PTPN14: variants seen among roughly 807,000 people sequenced by gnomAD.
PTPN14 encodes the protein protein tyrosine phosphatase non-receptor type 14.
PTPN14 carries 53 observed loss-of-function variants against 126.8 expected under a neutral mutation model. The ratio of observed to expected loss-of-function variants is 0.42; its 90% CI spans 0.34 to 0.53. The LOEUF (loss-of-function observed/expected upper bound fraction) is 0.53. Ranked by LOEUF, PTPN14 falls within the 20% of genes least tolerant of loss-of-function variation. The probability of loss-of-function intolerance (pLI) is 0.08; values close to 1 mark genes in which losing one functional copy is unlikely to be tolerated. For missense variants in PTPN14, 1,257 were observed against 1,552.9 expected (o/e 0.81, Z 3.20); for synonymous variants, 630 against 599.3 (o/e 1.05, Z -0.75).
intron 1 of PTPN14, chr1:214,529,072 G>A (rs899376739): frequency 6.6e-6 from 1 of 152,142 alleles, no homozygotes; most frequent in Non-Finnish European, 1.5e-5. Flanking sequence ...GGAGGCCAAG[G>A]TGGGAAAATT....
intron 1 of PTPN14, among the ~76,000 whole-genome samples, chr1:214,511,553 T>G (rs1211023500): frequency 1.3e-5 from 2 of 151,612 alleles, no homozygotes; most frequent in African/African-American, 4.8e-5. Flanking sequence ...AAATTGGAAC[T>G]CTTGTGCACT....
intron 1 of PTPN14, among the ~76,000 whole-genome samples, chr1:214,537,620 G>A (rs1655740024): frequency 6.6e-6 from 1 of 152,152 alleles, no homozygotes; most frequent in African/African-American, 2.4e-5. Flanking sequence ...CTAACTAAAG[G>A]CCAATTAATA....
chr1:214,384,272 G>C lies in PTPN14; in HGVS notation c.1583C>G (p.Pro528Arg). 1 of 1,614,158 alleles carries C rather than the reference G, an allele frequency of 6.2e-7. No homozygotes were observed. Among genetic ancestry groups the C allele is most frequent in the African/African-American group, 1.3e-5 (1 of 75,044 alleles). Residue 528 changes from proline (P) to arginine (R), a missense_variant, in exon 13 of 19, where the codon CCG becomes CGG. Physicochemically the swap from Pro to Arg is moderately radical, Grantham distance 103 (BLOSUM62 -2). Transcript: ENST00000366956. The surrounding 1 kb of genome is among the most constrained non-coding windows in gnomAD (Gnocchi z 5.3). ...NPKNNVVPSK[P>R]GASAISHTVS... is the part of the protein sequence containing the mutation. The stretch of plus-strand genomic sequence containing the variant: ...CGTGTGCGAGATGGCGCTTGCCCCC[G>C]GCTTGCTTGGTACCACATTATTCTT...
intron 3 of PTPN14, among the ~76,000 whole-genome samples, chr1:214,447,208 C>G (rs1184014416): frequency 1.3e-5 from 2 of 152,010 alleles, no homozygotes; most frequent in East Asian, 1.9e-4. Flanking sequence ...GAATCCTGCC[C>G]CACCACCACT....
intron 2 of PTPN14, 64 bp downstream of exon 2, chr1:214,464,566 G>T (rs1199809973): frequency 2.5e-5 from 40 of 1,570,212 alleles, no homozygotes; most frequent in Non-Finnish European, 3.3e-5. Context: ...CCTTCGGTGA[G>T]TTCTCCTTCA....
At chr1:214,432,184 C>T (rs534023572) in intron 3 of PTPN14, among the ~76,000 whole-genome samples, 55 of 129,592 alleles carry the variant, frequency 4.2e-4, no homozygotes, top group African/African-American at 1.4e-3. Flanking sequence ...GAACAAGACC[C>T]TGTCTCAAGA....
intron 3 of PTPN14, among the ~76,000 whole-genome samples, chr1:214,417,710 G>GC (rs1659456593): frequency 2.0e-5 from 3 of 152,148 alleles, no homozygotes; most frequent in Admixed American, 1.3e-4. Context: ...CTCAGAGTGA[G>GC]CAGGTCCGTG....
At chr1:214,545,192 C>T (rs1021009752) in intron 1 of PTPN14, among the ~76,000 whole-genome samples, 3 of 152,262 alleles carry the variant, frequency 2.0e-5, no homozygotes, top group Admixed American at 1.3e-4. Flanking sequence ...CTTTCTGCAG[C>T]GCTGAAAGAG....
At chr1:214,408,275 T>C (rs1342532658) in intron 5 of PTPN14, among the ~76,000 whole-genome samples, 1 of 152,016 alleles carries the variant, frequency 6.6e-6, no homozygotes, top group Non-Finnish European at 1.5e-5. Context: ...GGTGAAAGAG[T>C]TGACGGAAAA....
chr1:214,449,552 GTATT>G (rs1280627679), intron 3 of PTPN14, among the ~76,000 whole-genome samples: 1 of 152,216 alleles, frequency 6.6e-6, no homozygotes, highest in African/African-American at 2.4e-5. Context: ...GAATCAGCAA[GTATT>G]TATTAACTTA....
chr1:214,380,560 G>A (rs1179358634), intron 13 of PTPN14, among the ~76,000 whole-genome samples: 4 of 152,176 alleles, frequency 2.6e-5, no homozygotes, highest in South Asian at 2.1e-4. Context: ...TAAAAGCGGC[G>A]GAACCATCCA....
chr1:214,362,592 C>G (rs1369797852), intron 18 of PTPN14, among the ~76,000 whole-genome samples: 1 of 152,232 alleles, frequency 6.6e-6, no homozygotes, highest in Non-Finnish European at 1.5e-5. Context: ...CATTGCCTCA[C>G]TGAGGCTCAG....
At chr1:214,411,059 A>G (rs532140388) in intron 5 of PTPN14, among the ~76,000 whole-genome samples, 2 of 152,274 alleles carry the variant, frequency 1.3e-5, no homozygotes, top group East Asian at 3.9e-4. Flanking sequence ...AACAATATTG[A>G]TTCTTCCAAT....
chr1:214,361,488 T>C (rs1335609050), intron 18 of PTPN14, among the ~76,000 whole-genome samples: 1 of 152,174 alleles, frequency 6.6e-6, no homozygotes, highest in Non-Finnish European at 1.5e-5. Context: ...GGCTTAAAGA[T>C]TCATTCACTC....
intron 3 of PTPN14, among the ~76,000 whole-genome samples, chr1:214,430,268 A>G (rs1659770374): frequency 6.6e-6 from 1 of 152,156 alleles, no homozygotes; most frequent in Non-Finnish European, 1.5e-5. Context: ...TTTGGGAGAG[A>G]TAACAGGCTT....
At chr1:214,361,550 G>A (rs1657956426) in intron 18 of PTPN14, among the ~76,000 whole-genome samples, 1 of 152,186 alleles carries the variant, frequency 6.6e-6, no homozygotes. Context: ...CAAAGCAGTT[G>A]ACAATTGCTC....
At chr1:214,420,325 T>A (rs982733344) in intron 3 of PTPN14, among the ~76,000 whole-genome samples, 4 of 152,276 alleles carry the variant, frequency 2.6e-5, no homozygotes, top group African/African-American at 9.6e-5. Context: ...AAGATTTTCT[T>A]GGCAAACGTT....
At chr1:214,417,208 C>T (rs1659445999) in intron 3 of PTPN14, among the ~76,000 whole-genome samples, 1 of 152,128 alleles carries the variant, frequency 6.6e-6, no homozygotes, top group African/African-American at 2.4e-5. Context: ...TGCTCTGCCT[C>T]TAAGAATTGG....
intron 16 of PTPN14, among the ~76,000 whole-genome samples, chr1:214,371,121 G>A (rs1034787181): frequency 1.3e-5 from 2 of 152,112 alleles, no homozygotes; most frequent in Non-Finnish European, 2.9e-5. Context: ...CAGATTACTA[G>A]ATGCTACTTT....
Sources: allele counts gnomAD v4.1 joint callset (sites outside exome capture counted in the v4.1 genomes callset), GRCh38; gene constraint gnomAD v4.1.1; non-coding constraint Gnocchi (gnomAD v3.1); transcripts MANE v1.5; gene names NCBI Gene and HGNC (gene_info 2026-07-23, HGNC 2026-07-21).